The following ITPRID1 variants were observed in gnomAD, a reference collection of about 807,000 sequenced individuals.
The protein encoded by ITPRID1 is protein ITPRID1.
ITPRID1 carries 96 observed loss-of-function variants against 95.4 expected under a neutral mutation model. That is an observed-to-expected ratio of 1.01 (90% CI 0.85 to 1.19). The LOEUF (loss-of-function observed/expected upper bound fraction) is 1.19. Ranked by LOEUF, ITPRID1 falls within the 50% of genes most tolerant of loss-of-function variation. ITPRID1 has a pLI of 0.00. For missense variants in ITPRID1, 1,339 were observed against 1,252.9 expected (o/e 1.07, Z -1.04); for synonymous variants, 510 against 453.6 (o/e 1.12, Z -1.58).
At chr7:31,573,606 A>G (rs1224057504) in intron 7 of ITPRID1, among the ~76,000 whole-genome samples, 1 of 152,036 alleles carries the variant, frequency 6.6e-6, no homozygotes, top group Non-Finnish European at 1.5e-5. Context: ...AGAAAAGGCA[A>G]ACAAAAACTT....
At chr7:31,624,393 A>G (rs1257222621) in intron 10 of ITPRID1, among the ~76,000 whole-genome samples, 1 of 144,704 alleles carries the variant, frequency 6.9e-6, no homozygotes, top group Non-Finnish European at 1.5e-5. Flanking sequence ...TACAGTAACC[A>G]AAACAGCATG....
In ITPRID1 at chr7:31,574,754, G is replaced by A. The variant is rs770901088; in HGVS notation, c.598+12G>A. The A allele has an allele frequency of 3.1e-6, 5 of 1,612,742 alleles. No homozygotes were observed. In the South Asian group the frequency reaches 5.5e-5, roughly 18 times the overall value. ...CCCCAACTTGTACGGTAAGCGAGGT[G>A]CCTGTGGCATTCGCATCTCAGCATT... is the stretch of plus-strand genomic sequence containing the variant. On this transcript the variant is annotated intron_variant, in intron 8 of 14. Coordinates refer to ENST00000615280, the MANE Select transcript of ITPRID1 (RefSeq NM_001257967.3).
At chr7:31,531,668 A>G (rs779011387) in intron 1 of ITPRID1, among the ~76,000 whole-genome samples, 17 of 151,978 alleles carry the variant, frequency 1.1e-4, no homozygotes, top group Non-Finnish European at 2.1e-4. Context: ...GGAAGCCCGC[A>G]GGGAATTCAA....
At chr7:31,574,834 C>A in intron 8 of ITPRID1, 92 bp downstream of exon 8, 1 of 1,096,164 alleles carries the variant, frequency 9.1e-7, no homozygotes, top group Non-Finnish European at 1.4e-6. Context: ...TGTGAAGTAG[C>A]ATGCAAACCC....
intron 5 of ITPRID1, among the ~76,000 whole-genome samples, chr7:31,556,747 A>C (rs1784459429): frequency 6.6e-6 from 1 of 152,088 alleles, no homozygotes. Flanking sequence ...AAAACTCATA[A>C]AATACTGATA....
chr7:31,618,446 G>A (rs1787480050), intron 10 of ITPRID1, among the ~76,000 whole-genome samples: 1 of 152,166 alleles, frequency 6.6e-6, no homozygotes, highest in South Asian at 2.1e-4. Flanking sequence ...TGGCACCCAA[G>A]TTTCATGAAT....
intron 1 of ITPRID1, among the ~76,000 whole-genome samples, chr7:31,545,979 T>C (rs950601039): frequency 2.0e-5 from 3 of 152,132 alleles, no homozygotes. Context: ...TATTTTATTA[T>C]TATTATTTTT....
chr7:31,645,755 G>T (rs994237831), intron 12 of ITPRID1, among the ~76,000 whole-genome samples: 1 of 152,118 alleles, frequency 6.6e-6, no homozygotes, highest in Non-Finnish European at 1.5e-5. Flanking sequence ...TTGTCACAAC[G>T]GGAGGGGGGT....
chr7:31,642,178 G>A lies in ITPRID1; in HGVS notation c.1231G>A (p.Ala411Thr). 1 of 1,558,296 alleles carries A rather than the reference G, an allele frequency of 6.4e-7. No homozygotes were observed. The highest frequency in any genetic ancestry group is 1.2e-5 in the South Asian group (1 of 84,286). ...TCAAGACCTCTTTCATTCTGCAGGTGCCAGGGTGGACAGAGCAAATAGCTG... is the reference window on the plus strand; with the variant it reads ...TCAAGACCTCTTTCATTCTGCAGGTACCAGGGTGGACAGAGCAAATAGCTG... ...PLDMTSGTVG[A>T]RVDRANSCQS... The change falls in exon 11 of 15, where the codon GCC becomes ACC. Residue 411 changes from alanine (A) to threonine (T), a missense_variant and splice_region_variant. Ala to Thr is a moderately conservative substitution (Grantham distance 58). Coordinates refer to ENST00000615280, the MANE Select transcript of ITPRID1 (RefSeq NM_001257967.3).
At chr7:31,542,387 T>A (rs1417034422) in intron 1 of ITPRID1, among the ~76,000 whole-genome samples, 3 of 152,196 alleles carry the variant, frequency 2.0e-5, no homozygotes, top group Non-Finnish European at 4.4e-5. Context: ...TTTATACATT[T>A]TTTTACGACT....
intron 10 of ITPRID1, among the ~76,000 whole-genome samples, chr7:31,634,186 T>TAGTCC (rs2128198326): frequency 6.6e-6 from 1 of 152,204 alleles, no homozygotes; most frequent in Non-Finnish European, 1.5e-5. Context: ...GTCAGTAGAG[T>TAGTCC]AGTCCTGCCC....
chr7:31,652,556 T>C lies in ITPRID1; in HGVS notation c.2862T>C (p.Tyr954=). Residue 954 remains tyrosine (Y), a synonymous_variant, in exon 15 of 15, where the codon TAT becomes TAC. Coordinates refer to ENST00000615280, the MANE Select transcript of ITPRID1 (RefSeq NM_001257967.3). ...EVLTAEPPEH[Y]SNLHQYNWIE... ...TCACAGCAGAGCCACCTGAACACTA[T>C]TCAAATCTGCATCAATATAACTGGA... 1.2e-6 allele frequency: 2 copies of C among 1,609,170 alleles called. No individual in the cohort carries two copies. The highest frequency in any genetic ancestry group is 1.7e-6 in the Non-Finnish European group (2 of 1,177,550).
chr7:31,643,042 G>A lies in ITPRID1; in HGVS notation c.1672G>A (p.Ala558Thr). ...HAEYEVTRPT[A>T]TSKYDHPLGF... is the part of the protein sequence containing the mutation. ...TGAGTATGAGGTCACCAGACCCACA[G>A]CCACTTCCAAATATGATCATCCTCT... The change falls in exon 12 of 15, where the codon GCC becomes ACC. Residue 558 changes from alanine to threonine, a missense_variant. By Grantham distance (58) the Ala-to-Thr change is moderately conservative (BLOSUM62 0). Coordinates refer to ENST00000615280, the MANE Select transcript of ITPRID1 (RefSeq NM_001257967.3). The A allele has an allele frequency of 6.2e-7, 1 of 1,614,018 alleles. No individual in the cohort carries two copies. The highest frequency in any genetic ancestry group is 8.5e-7 in the Non-Finnish European group (1 of 1,179,904).
At chr7:31,657,093 GAT>G (rs890107196), downstream of ITPRID1, among the ~76,000 whole-genome samples, 5 of 3,620 alleles carry the variant, frequency 1.4e-3, no homozygotes, top group African/African-American at 3.9e-3. Context: ...TTTTATATAT[GAT>G]ATATATAAAA....
chr7:31,651,033 C>T (rs1191283979), intron 12 of ITPRID1, 109 bp from the exon 13 acceptor site: 3 of 1,226,218 alleles, frequency 2.4e-6, no homozygotes, highest in African/African-American at 3.1e-5. Context: ...AGCAGTAGGG[C>T]CTGTTTGCGA....
intron 12 of ITPRID1, among the ~76,000 whole-genome samples, chr7:31,649,586 C>CT (rs1403127181): frequency 6.6e-6 from 1 of 152,176 alleles, no homozygotes; most frequent in African/African-American, 2.4e-5. Flanking sequence ...GAGTAGTCAA[C>CT]TAGCAGCCTC....
chr7:31,545,450 A>G lies in ITPRID1; in HGVS notation c.-97-3976A>G, dbSNP rs571640618. Among the ~76,000 whole-genome samples the G allele has an allele frequency of 2.0e-5, 3 of 151,796 alleles. No homozygotes were observed. In the South Asian group the frequency reaches 6.2e-4, roughly 32 times the overall value. On this transcript the variant is annotated intron_variant, in intron 1 of 14. Coordinates refer to ENST00000615280, the MANE Select transcript of ITPRID1 (RefSeq NM_001257967.3). Reference sequence around the variant, plus strand: ...TGGATAAAGAGGGAAATCATGGAGGAAAAAAAAATCTCTTTAAAGTTGGAA... The same window carrying G: ...TGGATAAAGAGGGAAATCATGGAGGGAAAAAAAATCTCTTTAAAGTTGGAA...
At chr7:31,552,672 C>G (rs1784319725) in intron 2 of ITPRID1, among the ~76,000 whole-genome samples, 1 of 152,160 alleles carries the variant, frequency 6.6e-6, no homozygotes, top group Admixed American at 6.6e-5. Flanking sequence ...AATTTGAAGG[C>G]TATTTACTGG....
At chr7:31,571,264 G>A (rs745615723) in intron 6 of ITPRID1, among the ~76,000 whole-genome samples, 12 of 152,150 alleles carry the variant, frequency 7.9e-5, no homozygotes, top group Non-Finnish European at 1.8e-4. Flanking sequence ...CTGACCTCAT[G>A]ATCCACCCAC....
Sources: allele counts gnomAD v4.1 joint callset (sites outside exome capture counted in the v4.1 genomes callset), GRCh38; gene constraint gnomAD v4.1.1; transcripts MANE v1.5; gene names NCBI Gene and HGNC (gene_info 2026-07-23, HGNC 2026-07-21).